Variants in SPATA6 observed in about 807,000 individuals in gnomAD.
SPATA6 encodes spermatogenesis-associated protein 6.
A neutral mutation model predicts 65.3 loss-of-function variants in SPATA6; 56 were observed. The ratio of observed to expected loss-of-function variants is 0.86; its 90% CI spans 0.69 to 1.07. The LOEUF (loss-of-function observed/expected upper bound fraction) is 1.07. Ranked by LOEUF, SPATA6 falls within the 50% of genes least tolerant of loss-of-function variation. The probability of loss-of-function intolerance (pLI) is 0.00; values close to 1 mark genes in which losing one functional copy is unlikely to be tolerated. For missense variants in SPATA6, 590 were observed against 594.8 expected (o/e 0.99, Z 0.08); for synonymous variants, 199 against 213.2 (o/e 0.93, Z 0.58).
intron 6 of SPATA6, among the ~76,000 whole-genome samples, chr1:48,400,182 G>T (rs1480147330): frequency 1.3e-5 from 2 of 151,694 alleles, no homozygotes; most frequent in Admixed American, 1.3e-4. Context: ...TTAATGAAAT[G>T]TGTTATTTGG....
intron 3 of SPATA6, among the ~76,000 whole-genome samples, chr1:48,416,034 C>T (rs925745378): frequency 6.6e-6 from 1 of 152,112 alleles, no homozygotes; most frequent in Non-Finnish European, 1.5e-5. Context: ...GAAACCCTGT[C>T]TCTACAGAAA....
chr1:48,471,219 T>A (rs1191433728), intron 1 of SPATA6, among the ~76,000 whole-genome samples: 1 of 152,168 alleles, frequency 6.6e-6, no homozygotes, highest in African/African-American at 2.4e-5. Flanking sequence ...GAGGAAAGCA[T>A]CCTCTTGAGC....
chr1:48,315,308 C>G (rs1275138354), intron 11 of SPATA6, among the ~76,000 whole-genome samples: 1 of 152,162 alleles, frequency 6.6e-6, no homozygotes, highest in Non-Finnish European at 1.5e-5. Context: ...TACAGGCAAA[C>G]TGAATCCAGC....
chr1:48,457,498 A>T (rs1224074018), intron 1 of SPATA6, among the ~76,000 whole-genome samples: 18 of 152,226 alleles, frequency 1.2e-4, no homozygotes, highest in Admixed American at 1.2e-3. Context: ...TCTTGAAAAC[A>T]GCAAGATAGA....
intron 11 of SPATA6, among the ~76,000 whole-genome samples, chr1:48,354,676 A>G (rs1414020178): frequency 1.3e-5 from 2 of 152,128 alleles, no homozygotes; most frequent in Admixed American, 1.3e-4. Context: ...ACACTGTAGG[A>G]TGTCATTTAT....
the SPATA6 span, among the ~76,000 whole-genome samples, chr1:48,277,061 A>G: frequency 7.4e-6 from 1 of 135,574 alleles, no homozygotes; most frequent in Admixed American, 7.2e-5. Context: ...TGTTGCATTG[A>G]TCCCTTTACC....
At chr1:48,457,526 C>G (rs879499626) in intron 1 of SPATA6, among the ~76,000 whole-genome samples, 6 of 152,172 alleles carry the variant, frequency 3.9e-5, no homozygotes, top group Admixed American at 3.3e-4. Context: ...CAGCAGGCAT[C>G]AATAATCTTC....
At position 48,403,900 on chromosome 1, in the gene SPATA6, G is replaced by C; in HGVS notation, c.406-18C>G. The C allele has an allele frequency of 6.4e-7, 1 of 1,563,332 alleles. No homozygotes were observed. The highest frequency in any genetic ancestry group is 8.8e-7 in the Non-Finnish European group (1 of 1,142,470). The stretch of plus-strand genomic sequence containing the variant: ...GCATTTCCCTGAGAAGAAAAAAGAG[G>C]GTATTATTACACATTTCCATTTAAA... On this transcript the variant is annotated intron_variant, in intron 5 of 12. Coordinates refer to ENST00000371847, the MANE Select transcript of SPATA6 (RefSeq NM_019073.4).
intron 11 of SPATA6, among the ~76,000 whole-genome samples, chr1:48,309,133 G>A (rs1461612140): frequency 2.6e-5 from 4 of 152,002 alleles, no homozygotes; most frequent in Non-Finnish European, 2.9e-5. Flanking sequence ...AGTTTATTGA[G>A]CTCCTTAGAT....
Position 48,453,221 on chromosome 1 carries a change from CA to C in SPATA6, c.52-91del, listed in dbSNP as rs1278180638. 2.2e-6 allele frequency: 3 copies of C among 1,342,580 alleles called. No homozygotes were observed. In the African/African-American group the frequency reaches 4.5e-5, roughly 20 times the overall value. The allele number at this position is 1,342,580 out of a possible 1,614,324, so 83.2% of individuals were successfully genotyped here. A position where few individuals can be genotyped will look rare whatever the true frequency, so the allele number is the denominator to read the frequency against. ...TAACTTATCAAATATTACATAAAAACATTAGTCTGGTAATCTAATAAAAAAT... is the reference window on the plus strand; with the variant it reads ...TAACTTATCAAATATTACATAAAAACTTAGTCTGGTAATCTAATAAAAAAT... On this transcript the variant is annotated intron_variant, in intron 1 of 12. Coordinates refer to ENST00000371847, the MANE Select transcript of SPATA6 (RefSeq NM_019073.4).
the SPATA6 span, among the ~76,000 whole-genome samples, chr1:48,267,256 T>A: frequency 6.6e-6 from 1 of 151,786 alleles, no homozygotes; most frequent in South Asian, 2.1e-4. Context: ...GCATCTAGGG[T>A]TTAGTGTTTA....
chr1:48,436,648 T>A, intron 3 of SPATA6: 2 of 1,614,138 alleles, frequency 1.2e-6, no homozygotes, highest in Admixed American at 3.3e-5. Flanking sequence ...GTTCAGCACA[T>A]CAGTGCAGCC....
downstream of SPATA6, among the ~76,000 whole-genome samples, chr1:48,293,305 G>T (rs1163248688): frequency 6.6e-6 from 1 of 152,162 alleles, no homozygotes; most frequent in Non-Finnish European, 1.5e-5. Context: ...CTGACGGATG[G>T]CATAAAGATA....
chr1:48,324,563 C>T (rs533941913), intron 11 of SPATA6, among the ~76,000 whole-genome samples: 55 of 152,188 alleles, frequency 3.6e-4, no homozygotes, highest in Non-Finnish European at 6.3e-4. Flanking sequence ...CAATGTGATA[C>T]ATCGTATCAA....
intron 12 of SPATA6, among the ~76,000 whole-genome samples, chr1:48,299,882 C>T (rs1175263521): frequency 6.6e-6 from 1 of 152,136 alleles, no homozygotes; most frequent in East Asian, 1.9e-4. Flanking sequence ...TCTACTATGC[C>T]ATGCTGCTAT....
intron 9 of SPATA6, among the ~76,000 whole-genome samples, chr1:48,368,507 T>C (rs148144554): frequency 0.012 from 1,863 of 152,332 alleles, 46 homozygotes; most frequent in African/African-American, 0.043. Flanking sequence ...TTTATTCTTT[T>C]TCCTCTAAAC....
intron 12 of SPATA6, among the ~76,000 whole-genome samples, chr1:48,303,991 G>A (rs1011308254): frequency 6.6e-6 from 1 of 152,176 alleles, no homozygotes; most frequent in Non-Finnish European, 1.5e-5. Flanking sequence ...AGTAAGTCAA[G>A]ACTGCAAACT....
At chr1:48,368,139 C>G (rs1647093556) in intron 9 of SPATA6, among the ~76,000 whole-genome samples, 1 of 152,198 alleles carries the variant, frequency 6.6e-6, no homozygotes, top group Admixed American at 6.5e-5. Context: ...TCTCTCCTGG[C>G]TTGTAGAGTT....
chr1:48,346,091 A>G (rs963935384), intron 11 of SPATA6, among the ~76,000 whole-genome samples: 3 of 152,088 alleles, frequency 2.0e-5, no homozygotes, highest in Admixed American at 6.6e-5. Flanking sequence ...ACAAAATACT[A>G]GAAAACTGAA....
Sources: gnomAD v4.1 joint callset for allele counts (sites outside exome capture counted in the v4.1 genomes callset) on GRCh38, gnomAD v4.1.1 for gene constraint, MANE v1.5 for transcripts, NCBI Gene and HGNC (gene_info 2026-07-23, HGNC 2026-07-21) for gene names.